The following CFAP20DC variants were observed in gnomAD, a reference collection of about 807,000 sequenced individuals.
CFAP20DC encodes protein CFAP20DC.
CFAP20DC carries 84 observed loss-of-function variants against 101.7 expected under a neutral mutation model. The observed-to-expected ratio is 0.83, with a 90% CI of 0.69 to 0.99. CFAP20DC has a LOEUF of 0.99. CFAP20DC is among the 50% of genes least tolerant of loss of function. CFAP20DC has a pLI of 0.00. For missense variants in CFAP20DC, 1,007 were observed against 970.3 expected (o/e 1.04, Z -0.50); for synonymous variants, 359 against 351.2 (o/e 1.02, Z -0.25).
chr3:58,826,143 G>A (rs1026438741), intron 14 of CFAP20DC, among the ~76,000 whole-genome samples: 1 of 152,044 alleles, frequency 6.6e-6, no homozygotes. Flanking sequence ...TTGCAATCAG[G>A]CCCTGCTCAG....
At chr3:59,008,572 A>T (rs2093496570) in intron 4 of CFAP20DC, among the ~76,000 whole-genome samples, 1 of 152,188 alleles carries the variant, frequency 6.6e-6, no homozygotes, top group Non-Finnish European at 1.5e-5. Flanking sequence ...ACATGTATGA[A>T]ACTGGAAACC....
chr3:58,830,400 C>T (rs570905548), intron 14 of CFAP20DC, among the ~76,000 whole-genome samples: 57 of 152,176 alleles, frequency 3.7e-4, no homozygotes, highest in Admixed American at 2.0e-4. Context: ...ATTCACTTTA[C>T]TCAAGAGCCT....
At chr3:58,847,651 G>C (rs1212982819) in intron 13 of CFAP20DC, among the ~76,000 whole-genome samples, 1 of 151,318 alleles carries the variant, frequency 6.6e-6, no homozygotes, top group Non-Finnish European at 1.5e-5. Context: ...ATTTGACCCA[G>C]CCATCCCATT....
At chr3:58,805,385 C>A (rs185160563) in intron 15 of CFAP20DC, among the ~76,000 whole-genome samples, 1 of 152,212 alleles carries the variant, frequency 6.6e-6, no homozygotes. Context: ...TGAGGCCTGG[C>A]GGCCTTTGGG....
chr3:58,870,314 T>C lies in CFAP20DC; in HGVS notation c.716-5A>G. On this transcript the variant is annotated splice_polypyrimidine_tract_variant and splice_region_variant and intron_variant, in intron 7 of 16. Coordinates refer to ENST00000482387, the MANE Select transcript of CFAP20DC (RefSeq NM_001394063.1). ...TTCCTCTGTTAATGAACTGATCTGT[T>C]TTGTTAAAGGAAGGTAATAATAGTC... The C allele has an allele frequency of 6.2e-7, 1 of 1,613,192 alleles. No homozygotes were observed. The highest frequency in any genetic ancestry group is 8.5e-7 in the Non-Finnish European group (1 of 1,179,224).
chr3:58,739,228 C>T (rs1559529928), downstream of CFAP20DC, among the ~76,000 whole-genome samples: 1 of 152,108 alleles, frequency 6.6e-6, no homozygotes, highest in East Asian at 1.9e-4. Context: ...GCCACTATTG[C>T]TGACAGTTGT....
intron 5 of CFAP20DC, among the ~76,000 whole-genome samples, chr3:58,925,739 T>C (rs1240875118): frequency 1.3e-5 from 2 of 152,166 alleles, no homozygotes; most frequent in Non-Finnish European, 2.9e-5. Context: ...GTCTAACTGT[T>C]GAGGAAACTA....
At chr3:58,995,814 T>G (rs1164999124) in intron 4 of CFAP20DC, among the ~76,000 whole-genome samples, 3 of 152,160 alleles carry the variant, frequency 2.0e-5, no homozygotes, top group Admixed American at 6.5e-5. Flanking sequence ...TTGGGACCCT[T>G]CCAACTTGGA....
intron 3 of CFAP20DC, among the ~76,000 whole-genome samples, chr3:58,723,334 G>A (rs1360408250): frequency 1.3e-5 from 2 of 152,120 alleles, no homozygotes; most frequent in African/African-American, 2.4e-5. Context: ...TAAACAAAAC[G>A]TATAGTCATC....
chr3:58,807,139 G>A (rs1045708384), intron 14 of CFAP20DC, among the ~76,000 whole-genome samples: 11 of 152,178 alleles, frequency 7.2e-5, no homozygotes, highest in African/African-American at 2.4e-4. Flanking sequence ...CTCTGGGGGC[G>A]GGGCACAGAC....
At position 58,884,543 on chromosome 3, in the gene CFAP20DC, A is replaced by G. The variant is rs758519972; in HGVS notation, c.715+2T>C. The G allele has an allele frequency of 4.3e-6, 7 of 1,613,784 alleles. No individual in the cohort carries two copies. Among genetic ancestry groups the G allele is most frequent in the Non-Finnish European group, 5.9e-6 (7 of 1,179,732 alleles). On this transcript the variant is annotated splice_donor_variant, in intron 7 of 16. Coordinates refer to ENST00000482387, the MANE Select transcript of CFAP20DC (RefSeq NM_001394063.1). LOFTEE classifies it high-confidence loss of function. Reference sequence around the variant, plus strand: ...TTATAATTTAGGTGCCTGAGTGTCTACCTGATTCTGCTGATCTTAGAGGAT... The same window carrying G: ...TTATAATTTAGGTGCCTGAGTGTCTGCCTGATTCTGCTGATCTTAGAGGAT...
rs61697175 is a variant in CFAP20DC at position 58,859,937 on chromosome 3, C to G, written c.1593+3621G>C. Among the ~76,000 whole-genome samples, 9,490 of 151,910 alleles carry G rather than the reference C, an allele frequency of 0.062. 559 individuals are homozygous for G. The highest frequency in any genetic ancestry group is 0.16 in the African/African-American group (6,629 of 41,442). ...CTCATGCCTGTAATCCCAGCACTTT[C>G]GGAAGCCGAGGCAGGCAGATCACGA... On this transcript the variant is annotated intron_variant, in intron 12 of 16. Transcript: ENST00000482387. The surrounding 1 kb of genome is among the most constrained non-coding windows in gnomAD (Gnocchi z 4.1).
intron 15 of CFAP20DC, 69 bp downstream of exon 15, chr3:58,806,326 C>T (rs996219175): frequency 9.1e-7 from 1 of 1,099,854 alleles, no homozygotes; most frequent in East Asian, 2.4e-5. Flanking sequence ...TTCAGAAAAC[C>T]AAGAAAAATG....
intron 15 of CFAP20DC, among the ~76,000 whole-genome samples, chr3:58,766,093 G>A (rs1385528285): frequency 1.3e-5 from 2 of 152,160 alleles, no homozygotes; most frequent in East Asian, 1.9e-4. Flanking sequence ...AAAAATCCAT[G>A]CTTTGCAAAG....
intron 14 of CFAP20DC, among the ~76,000 whole-genome samples, chr3:58,811,745 AACTACC>A (rs929946251): frequency 1.3e-5 from 2 of 152,164 alleles, no homozygotes; most frequent in African/African-American, 4.8e-5. Flanking sequence ...TAGCAAAAGA[AACTACC>A]ATCAGAGTGA....
chr3:58,879,003 G>A (rs999970401), intron 7 of CFAP20DC, among the ~76,000 whole-genome samples: 17 of 148,302 alleles, frequency 1.1e-4, no homozygotes, highest in African/African-American at 4.0e-4. Context: ...GCGAGACTTC[G>A]TCTCCGAAAA....
intron 4 of CFAP20DC, among the ~76,000 whole-genome samples, chr3:58,981,837 A>C (rs1331805893): frequency 2.0e-5 from 3 of 152,216 alleles, no homozygotes; most frequent in Non-Finnish European, 4.4e-5. Flanking sequence ...CAATGGCAAC[A>C]AAAGCCAAAA....
At position 58,816,067 on chromosome 3, in the gene CFAP20DC, T is replaced by A. The variant is rs776988079; in HGVS notation, c.2176-9611A>T. Among the ~76,000 whole-genome samples the A allele has an allele frequency of 8.8e-4, 133 of 151,986 alleles. 2 individuals are homozygous for A. The highest frequency in any genetic ancestry group is 3.0e-3 in the African/African-American group (122 of 41,284). On this transcript the variant is annotated intron_variant, in intron 14 of 16. Transcript: ENST00000482387. ...TATAAAGACACATGCACACGTATAT[T>A]TATTGTGGCATTATTCACAATAGCA...
At chr3:58,828,731 A>C (rs2076203585) in intron 14 of CFAP20DC, among the ~76,000 whole-genome samples, 1 of 151,930 alleles carries the variant, frequency 6.6e-6, no homozygotes, top group Non-Finnish European at 1.5e-5. Context: ...AATCATTTGT[A>C]CCCCAGTCTT....
Sources: gnomAD v4.1 joint callset for allele counts (sites outside exome capture counted in the v4.1 genomes callset) on GRCh38, gnomAD v4.1.1 for gene constraint, Gnocchi (gnomAD v3.1) non-coding constraint, MANE v1.5 for transcripts, NCBI Gene and HGNC (gene_info 2026-07-23, HGNC 2026-07-21) for gene names.